PLPPR1: variants seen among roughly 807,000 people sequenced by gnomAD.
PLPPR1 encodes phospholipid phosphatase related 1, also known as phospholipid phosphatase-related protein type 1.
Under a neutral mutation model 33.1 loss-of-function variants are expected in PLPPR1, and 10 were observed. The observed-to-expected ratio is 0.30, with a 90% CI of 0.19 to 0.51. The LOEUF (loss-of-function observed/expected upper bound fraction) is 0.51, where lower values mean the gene tolerates loss of function less well. Among genes scored for constraint, PLPPR1 ranks in the 20% least tolerant of loss-of-function variants. PLPPR1 has a pLI of 0.97. For missense variants in PLPPR1, 304 were observed against 408.1 expected, an observed-to-expected ratio of 0.74 and a Z score of 2.20; for synonymous variants, 151 against 151.0, an observed-to-expected ratio of 1.00 and a Z score of 0.00.
intron 2 of PLPPR1, among the ~76,000 whole-genome samples, chr9:101,256,005 C>G (rs1471786445): frequency 6.6e-6 from 1 of 152,124 alleles, no homozygotes; most frequent in Non-Finnish European, 1.5e-5. Flanking sequence ...CTTGAGATGA[C>G]CTTACAGCAG....
chr9:101,228,836 T>TTGAC (rs1423294138), intron 2 of PLPPR1, among the ~76,000 whole-genome samples: 1 of 152,060 alleles, frequency 6.6e-6, no homozygotes, highest in African/African-American at 2.4e-5. Context: ...GGAGAGTAGA[T>TTGAC]TGACTAGAGA....
chr9:101,145,192 C>T (rs1295185597), intron 1 of PLPPR1, among the ~76,000 whole-genome samples: 1 of 152,092 alleles, frequency 6.6e-6, no homozygotes, highest in African/African-American at 2.4e-5. Flanking sequence ...TTAAAAAGAG[C>T]TATTGCACAT....
At chr9:101,261,143 T>C (rs1352335026) in intron 2 of PLPPR1, among the ~76,000 whole-genome samples, 1 of 152,212 alleles carries the variant, frequency 6.6e-6, no homozygotes, top group African/African-American at 2.4e-5. Context: ...GAGGTTCAGA[T>C]TGAGGTAACT....
intron 3 of PLPPR1, among the ~76,000 whole-genome samples, chr9:101,285,298 C>A (rs1828373510): frequency 6.6e-6 from 1 of 152,034 alleles, no homozygotes; most frequent in East Asian, 1.9e-4. Context: ...AAGATGTAGT[C>A]CCTGCTATTA....
intron 2 of PLPPR1, among the ~76,000 whole-genome samples, chr9:101,188,962 C>G (rs1323473561): frequency 6.6e-6 from 1 of 151,992 alleles, no homozygotes; most frequent in Non-Finnish European, 1.5e-5. Context: ...CTATTCCTCT[C>G]CTACTGTAAT....
In PLPPR1 at chr9:101,073,081, A is replaced by G. The variant is rs57868072; in HGVS notation, c.-46+43979A>G. Among the ~76,000 whole-genome samples the G allele has an allele frequency of 3.7e-3, 558 of 152,304 alleles. 3 individuals carry two copies. The highest frequency in any genetic ancestry group is 0.013 in the African/African-American group (525 of 41,578). Reference sequence around the variant, plus strand: ...GCTACTATTATTATGCAGATAAAACAAAGACAATTGGAGAGGAATGGGTCT... The same window carrying G: ...GCTACTATTATTATGCAGATAAAACGAAGACAATTGGAGAGGAATGGGTCT... On this transcript the variant is annotated intron_variant, in intron 1 of 7. Coordinates refer to ENST00000374874, the MANE Select transcript of PLPPR1 (RefSeq NM_207299.2).
chr9:101,294,390 T>C (rs867189234), intron 4 of PLPPR1, among the ~76,000 whole-genome samples: 9,060 of 149,370 alleles, frequency 0.061, 298 homozygotes, highest in South Asian at 0.11. Context: ...GGAACTGGTA[T>C]CATTCCTTCT....
intron 2 of PLPPR1, among the ~76,000 whole-genome samples, chr9:101,265,611 G>A (rs1827975792): frequency 6.6e-6 from 1 of 152,236 alleles, no homozygotes; most frequent in African/African-American, 2.4e-5. Context: ...GGCATCATCA[G>A]TGCAGTGAGA....
intron 2 of PLPPR1, among the ~76,000 whole-genome samples, chr9:101,262,855 G>A (rs1379965521): frequency 6.6e-6 from 1 of 152,122 alleles, no homozygotes; most frequent in East Asian, 1.9e-4. Flanking sequence ...TCCTTTGCAA[G>A]GACATGGATG....
chr9:101,118,563 T>C (rs1441726880), intron 1 of PLPPR1, among the ~76,000 whole-genome samples: 1 of 152,190 alleles, frequency 6.6e-6, no homozygotes, highest in Non-Finnish European at 1.5e-5. Context: ...TGAATTTCAG[T>C]TGGACCAGCA....
rs145940033 is a variant in PLPPR1 at position 101,194,489 on chromosome 9, C to T, written c.63+8932C>T. On this transcript the variant is annotated intron_variant, in intron 2 of 7. Transcript: ENST00000374874. The stretch of plus-strand genomic sequence containing the variant: ...TGCTGACCGGGCGTGGTGGCTCACA[C>T]CTGTAATCCTCGCACTTTGGGAGGC... Among the ~76,000 whole-genome samples, 232 of 152,240 alleles carry T rather than the reference C, an allele frequency of 1.5e-3. 1 individual carries two copies. Among genetic ancestry groups the T allele is most frequent in the African/African-American group, 5.3e-3 (222 of 41,538 alleles).
At chr9:101,049,104 G>A (rs1830189067) in intron 1 of PLPPR1, among the ~76,000 whole-genome samples, 1 of 152,190 alleles carries the variant, frequency 6.6e-6, no homozygotes, top group Non-Finnish European at 1.5e-5. Flanking sequence ...ACTTGTGTGT[G>A]CCCCTGTGTG....
At chr9:101,141,429 A>G (rs1401910503) in intron 1 of PLPPR1, among the ~76,000 whole-genome samples, 1 of 152,186 alleles carries the variant, frequency 6.6e-6, no homozygotes, top group Non-Finnish European at 1.5e-5. Context: ...ATTATTACCA[A>G]TGGAGGATTA....
intron 1 of PLPPR1, among the ~76,000 whole-genome samples, chr9:101,104,617 G>C (rs1487133093): frequency 8.4e-4 from 97 of 115,018 alleles, no homozygotes; most frequent in African/African-American, 3.6e-3. Context: ...CTCTTTTTTG[G>C]TTGTGTCTCT....
At chr9:101,148,724 C>A (rs1262957255) in intron 1 of PLPPR1, among the ~76,000 whole-genome samples, 1 of 152,158 alleles carries the variant, frequency 6.6e-6, no homozygotes, top group Non-Finnish European at 1.5e-5. Context: ...ACTCCCACAC[C>A]TTAGTTTGGC....
At chr9:101,144,622 C>A (rs530530920) in intron 1 of PLPPR1, among the ~76,000 whole-genome samples, 20 of 152,262 alleles carry the variant, frequency 1.3e-4, no homozygotes, top group African/African-American at 4.6e-4. Flanking sequence ...GACTTCCAGC[C>A]TCTAGAACTA....
intron 4 of PLPPR1, among the ~76,000 whole-genome samples, chr9:101,291,961 G>A (rs1262032460): frequency 6.6e-6 from 1 of 152,214 alleles, no homozygotes; most frequent in African/African-American, 2.4e-5. Context: ...GACGAGTTGA[G>A]AGAAGAAGGC....
intron 2 of PLPPR1, among the ~76,000 whole-genome samples, chr9:101,264,068 A>G (rs1017180769): frequency 2.0e-5 from 3 of 151,992 alleles, no homozygotes; most frequent in African/African-American, 7.2e-5. Flanking sequence ...AGCCTACTAC[A>G]TTGGTTTCCA....
chr9:101,306,872 C>A (rs1201028276), intron 4 of PLPPR1, among the ~76,000 whole-genome samples: 1 of 152,178 alleles, frequency 6.6e-6, no homozygotes, highest in Non-Finnish European at 1.5e-5. Context: ...CTGTTTTTAG[C>A]TTCTGAGGCT....
Sources: allele counts gnomAD v4.1 joint callset (sites outside exome capture counted in the v4.1 genomes callset), GRCh38; gene constraint gnomAD v4.1.1; transcripts MANE v1.5; gene names NCBI Gene and HGNC (gene_info 2026-07-23, HGNC 2026-07-21).